PABPC4L: variants seen among roughly 807,000 people sequenced by gnomAD.
PABPC4L encodes the protein poly(A) binding protein cytoplasmic 4 like.
For synonymous variants in PABPC4L, 169 were observed against 164.1 expected (o/e 1.03, Z -0.23); for missense variants, 452 against 451.4 (o/e 1.00, Z -0.01).
chr4:134,093,087 C>T, the PABPC4L span, among the ~76,000 whole-genome samples: 600 of 150,710 alleles, frequency 4.0e-3, 3 homozygotes, highest in Admixed American at 7.6e-3. Flanking sequence ...TTTGTCATGT[C>T]CTCTCTCTCA....
the PABPC4L span, among the ~76,000 whole-genome samples, chr4:134,027,420 T>C: frequency 6.6e-6 from 1 of 152,096 alleles, no homozygotes; most frequent in Non-Finnish European, 1.5e-5. Flanking sequence ...CACGTTGTTT[T>C]TAAGGATGAT....
the PABPC4L span, among the ~76,000 whole-genome samples, chr4:134,050,706 CAAAAA>C: frequency 7.8e-4 from 65 of 82,986 alleles, no homozygotes; most frequent in East Asian, 1.2e-3. Flanking sequence ...CACCGTCTCC[CAAAAA>C]AAAAAAAAAA....
rs1729842362 is a variant in PABPC4L at position 134,200,808 on chromosome 4, A to T, written c.212T>A (p.Met71Lys). The change falls in exon 2 of 2, where the codon ATG (methionine) becomes AAG (lysine). Residue 71 changes from methionine to lysine, a missense_variant. Coordinates refer to ENST00000421491, the MANE Select transcript of PABPC4L (RefSeq NM_001114734.2). ...LADAQKALDTMNFDIIKGKSI... is the reference protein window; with the variant it reads ...LADAQKALDTKNFDIIKGKSI... ...TTTGCCTTTTATGATGTCAAAGTTCATTGTGTCCAGCGCCTTCTGGGCATC... is the reference window on the plus strand; with the variant it reads ...TTTGCCTTTTATGATGTCAAAGTTCTTTGTGTCCAGCGCCTTCTGGGCATC... The T allele has an allele frequency of 6.4e-7, 1 of 1,552,468 alleles. No individual in the cohort carries two copies. Among genetic ancestry groups the T allele is most frequent in the East Asian group, 2.4e-5 (1 of 40,988 alleles).
the PABPC4L span, among the ~76,000 whole-genome samples, chr4:133,962,312 G>A: frequency 1.3e-5 from 2 of 152,318 alleles, no homozygotes; most frequent in East Asian, 3.9e-4. Flanking sequence ...AAGAATTCAG[G>A]AGCTTAGTTA....
At chr4:133,997,339 GT>G in the PABPC4L span, among the ~76,000 whole-genome samples, 2 of 151,618 alleles carry the variant, frequency 1.3e-5, no homozygotes, top group African/African-American at 2.4e-5. Flanking sequence ...AAAGGGAAAG[GT>G]TTTTTTTCAA....
the PABPC4L span, among the ~76,000 whole-genome samples, chr4:134,175,422 T>TTAAAA: frequency 8.6e-4 from 131 of 152,030 alleles, no homozygotes; most frequent in African/African-American, 3.1e-3. Flanking sequence ...TAATTTATTT[T>TTAAAA]TTAAATTAAT....
At chr4:133,965,639 A>AT in the PABPC4L span, among the ~76,000 whole-genome samples, 1 of 152,182 alleles carries the variant, frequency 6.6e-6, no homozygotes, top group Non-Finnish European at 1.5e-5. Flanking sequence ...ATGGAACAGA[A>AT]TAGAGAATCC....
chr4:134,106,197 A>G, the PABPC4L span, among the ~76,000 whole-genome samples: 1 of 151,664 alleles, frequency 6.6e-6, no homozygotes, highest in Non-Finnish European at 1.5e-5. Context: ...GTGCTTTGAT[A>G]TAATTCTTAC....
chr4:134,001,359 G>T, the PABPC4L span, among the ~76,000 whole-genome samples: 1 of 151,828 alleles, frequency 6.6e-6, no homozygotes, highest in African/African-American at 2.4e-5. Context: ...ATCCTACACT[G>T]CTCACAGAAA....
the PABPC4L span, among the ~76,000 whole-genome samples, chr4:134,045,104 A>T: frequency 6.6e-6 from 1 of 152,324 alleles, no homozygotes. Context: ...ATAAAGTAAT[A>T]ATGCATATAA....
chr4:134,166,951 C>A, the PABPC4L span, among the ~76,000 whole-genome samples: 2 of 152,132 alleles, frequency 1.3e-5, no homozygotes, highest in African/African-American at 2.4e-5. Flanking sequence ...AATCATCTGT[C>A]CTGTCTAACT....
At chr4:134,195,099 G>A (rs975126825), downstream of PABPC4L, among the ~76,000 whole-genome samples, 1 of 151,692 alleles carries the variant, frequency 6.6e-6, no homozygotes, top group Non-Finnish European at 1.5e-5. Context: ...AGTGACTAGA[G>A]TGGTGAATAA....
At chr4:134,172,713 T>C in the PABPC4L span, among the ~76,000 whole-genome samples, 13 of 151,730 alleles carry the variant, frequency 8.6e-5, no homozygotes, top group Non-Finnish European at 1.6e-4. Context: ...ACTATCTATA[T>C]CGTTTAAAAG....
chr4:134,131,554 A>G, the PABPC4L span, among the ~76,000 whole-genome samples: 1 of 151,870 alleles, frequency 6.6e-6, no homozygotes, highest in South Asian at 2.1e-4. Flanking sequence ...AACAGCACAA[A>G]CAAATGAAAC....
chr4:134,007,915 T>C, the PABPC4L span, among the ~76,000 whole-genome samples: 11 of 151,772 alleles, frequency 7.2e-5, no homozygotes, highest in Non-Finnish European at 1.5e-4. Flanking sequence ...TTTTACTATG[T>C]CATATTTTAA....
chr4:133,960,171 C>T, the PABPC4L span, among the ~76,000 whole-genome samples: 5 of 152,052 alleles, frequency 3.3e-5, no homozygotes, highest in African/African-American at 1.2e-4. Context: ...ATGGGGAATC[C>T]CAAAAGGACC....
At chr4:134,136,485 TA>T in the PABPC4L span, among the ~76,000 whole-genome samples, 1 of 152,202 alleles carries the variant, frequency 6.6e-6, no homozygotes, top group African/African-American at 2.4e-5. Flanking sequence ...GATTGCCAAA[TA>T]TTTTTTTTCT....
At position 134,201,215 on chromosome 4, in the gene PABPC4L, A is replaced by C. The variant is rs1393457896; in HGVS notation, c.-196T>G. 8 of 1,543,718 alleles carry C rather than the reference A, an allele frequency of 5.2e-6. No individual in the cohort carries two copies. Among genetic ancestry groups the C allele is most frequent in the Non-Finnish European group, 7.0e-6 (8 of 1,143,362 alleles). Reference sequence around the variant, plus strand: ...TCATCCAAAAGTCCCCACAGCCACCAATCTGGCCCTCCTAGGACGCGGCAA... The same window carrying C: ...TCATCCAAAAGTCCCCACAGCCACCCATCTGGCCCTCCTAGGACGCGGCAA... On this transcript the variant is annotated 5_prime_UTR_variant, in exon 2 of 2. It adds an upstream start codon to the 5' untranslated region. Transcript: ENST00000421491.
At chr4:134,141,301 G>C in the PABPC4L span, among the ~76,000 whole-genome samples, 5 of 151,290 alleles carry the variant, frequency 3.3e-5, no homozygotes, top group African/African-American at 1.2e-4. Context: ...GTAGAAAAGA[G>C]AGAACTGGTA....
Sources: allele counts gnomAD v4.1 joint callset (sites outside exome capture counted in the v4.1 genomes callset), GRCh38; gene constraint gnomAD v4.1.1; transcripts MANE v1.5; gene names NCBI Gene and HGNC (gene_info 2026-07-23, HGNC 2026-07-21).